THSD4: variants seen among roughly 807,000 people sequenced by gnomAD.
The protein encoded by THSD4 is thrombospondin type-1 domain-containing protein 4.
A neutral mutation model predicts 119.0 loss-of-function variants in THSD4; 69 were observed. The observed-to-expected ratio is 0.58, with a 90% CI of 0.48 to 0.71. The LOEUF (loss-of-function observed/expected upper bound fraction) is 0.71, where lower values mean the gene tolerates loss of function less well. Among genes scored for constraint, THSD4 ranks in the 30% least tolerant of loss-of-function variants. The probability of loss-of-function intolerance (pLI) is 0.00; values close to 1 mark genes in which losing one functional copy is unlikely to be tolerated. For missense variants in THSD4, 1,393 were observed against 1,391.1 expected (o/e 1.00, Z -0.02); for synonymous variants, 524 against 540.4 (o/e 0.97, Z 0.42).
chr15:71,112,539 T>A (rs1423468790), upstream of THSD4, among the ~76,000 whole-genome samples: 1 of 152,182 alleles, frequency 6.6e-6, no homozygotes, highest in Non-Finnish European at 1.5e-5. Flanking sequence ...ATGTGGCTAT[T>A]TTATGAGGTA....
chr15:71,510,924 G>A (rs899503850), intron 7 of THSD4, among the ~76,000 whole-genome samples: 1 of 152,018 alleles, frequency 6.6e-6, no homozygotes, highest in Admixed American at 6.6e-5. Context: ...CACGTTTGGC[G>A]GTGTGGTCGA....
intron 7 of THSD4, among the ~76,000 whole-genome samples, chr15:71,613,799 T>C (rs1488320248): frequency 6.6e-6 from 1 of 152,210 alleles, no homozygotes; most frequent in Non-Finnish European, 1.5e-5. Context: ...AATAGTATCA[T>C]ATTTTGGCCA....
intron 8 of THSD4, among the ~76,000 whole-genome samples, chr15:71,689,369 C>A (rs1208239295): frequency 6.6e-6 from 1 of 152,152 alleles, no homozygotes; most frequent in Non-Finnish European, 1.5e-5. Flanking sequence ...CTGTGTCTGC[C>A]ACTGAGCAGC....
chr15:71,735,079 TACACACACACACACACAGAC>T (rs1471250106), intron 10 of THSD4, among the ~76,000 whole-genome samples: 4 of 150,012 alleles, frequency 2.7e-5, no homozygotes, highest in Non-Finnish European at 1.5e-5. Context: ...GCTTGGGGGT[TACACACACACACACACAGAC>T]ACACACACAC....
intron 8 of THSD4, among the ~76,000 whole-genome samples, chr15:71,701,021 G>C (rs1012754903): frequency 6.6e-6 from 1 of 152,028 alleles, no homozygotes; most frequent in African/African-American, 2.4e-5. Context: ...CATTAAAAAG[G>C]TTTACAAATC....
intron 7 of THSD4, among the ~76,000 whole-genome samples, chr15:71,655,147 T>C (rs1419708047): frequency 6.6e-6 from 1 of 152,240 alleles, no homozygotes; most frequent in Non-Finnish European, 1.5e-5. Context: ...CTGATGGTTA[T>C]CCACTGGTCT....
chr15:71,537,893 G>T lies in THSD4; in HGVS notation c.1153-122637G>T, dbSNP rs190150848. Among the ~76,000 whole-genome samples, 550 of 152,046 alleles carry T rather than the reference G, an allele frequency of 3.6e-3. 2 individuals carry two copies. The highest frequency in any genetic ancestry group is 5.8e-3 in the Non-Finnish European group (391 of 67,986). On this transcript the variant is annotated intron_variant, in intron 7 of 17. Coordinates refer to ENST00000261862, the MANE Select transcript of THSD4 (RefSeq NM_024817.3). The stretch of plus-strand genomic sequence containing the variant: ...TTTTCACACCTCACCCTCCCAAGTA[G>T]CTGGGTTTACAGGTACATGCCACCA...
chr15:71,370,095 G>A (rs190231714), intron 6 of THSD4, among the ~76,000 whole-genome samples: 107 of 152,184 alleles, frequency 7.0e-4, no homozygotes, highest in African/African-American at 2.5e-3. Flanking sequence ...TTCTGTGGTG[G>A]TAGTTTGTAT....
chr15:71,425,621 T>C (rs1432304223), intron 7 of THSD4, among the ~76,000 whole-genome samples: 2 of 152,204 alleles, frequency 1.3e-5, no homozygotes, highest in African/African-American at 2.4e-5. Context: ...GGTTGGTGCT[T>C]TCATGGGAAT....
intron 8 of THSD4, among the ~76,000 whole-genome samples, chr15:71,705,904 C>G (rs2052384030): frequency 6.6e-6 from 1 of 152,080 alleles, no homozygotes. Flanking sequence ...AGTGGGGAGA[C>G]ATTACTTCTA....
At position 71,358,052 on chromosome 15, in the gene THSD4, C is replaced by T. The variant is rs568370367; in HGVS notation, c.1016-53635C>T. On this transcript the variant is annotated intron_variant, in intron 6 of 17. Transcript: ENST00000261862. The stretch of plus-strand genomic sequence containing the variant: ...CTCAGCCTCCTTGGGAAGGGGCGGC[C>T]AGATCCCATTTTCAGGTCTTAGCTG... 5.9e-5 allele frequency among the ~76,000 whole-genome samples: 9 copies of T among 152,296 alleles called. No homozygotes were observed. The East Asian group carries it at 1.6e-3, about 26-fold the overall frequency.
intron 7 of THSD4, among the ~76,000 whole-genome samples, chr15:71,641,644 T>C (rs73445788): frequency 6.8e-4 from 103 of 152,302 alleles, no homozygotes; most frequent in African/African-American, 2.4e-3. Flanking sequence ...GCATCATTTC[T>C]ACTTATGGTG....
chr15:71,612,334 C>T (rs955472808), intron 7 of THSD4, among the ~76,000 whole-genome samples: 1 of 152,164 alleles, frequency 6.6e-6, no homozygotes, highest in African/African-American at 2.4e-5. Flanking sequence ...GGGATTGAGG[C>T]CAGATTTCTT....
intron 8 of THSD4, among the ~76,000 whole-genome samples, chr15:71,663,062 A>T (rs1294340430): frequency 6.6e-6 from 1 of 152,098 alleles, no homozygotes; most frequent in Non-Finnish European, 1.5e-5. Context: ...CAGCCTGCGC[A>T]ACATCAAGTG....
chr15:71,203,114 G>C (rs551382701), intron 3 of THSD4, among the ~76,000 whole-genome samples: 1 of 152,230 alleles, frequency 6.6e-6, no homozygotes, highest in South Asian at 2.1e-4. Flanking sequence ...AGGCAGAGTA[G>C]AAGAGAGAGC....
chr15:71,291,667 C>T (rs2044793066), intron 6 of THSD4, among the ~76,000 whole-genome samples: 1 of 152,108 alleles, frequency 6.6e-6, no homozygotes, highest in African/African-American at 2.4e-5. Flanking sequence ...CCAGAAACAC[C>T]CTCAAAGACA....
intron 8 of THSD4, among the ~76,000 whole-genome samples, chr15:71,668,849 A>G (rs945746226): frequency 1.3e-5 from 2 of 152,356 alleles, no homozygotes; most frequent in East Asian, 3.9e-4. Context: ...TCTTAAGCCT[A>G]TAGCATGAAA....
intron 2 of THSD4, among the ~76,000 whole-genome samples, chr15:71,147,033 A>T (rs1003753797): frequency 2.0e-5 from 3 of 152,032 alleles, no homozygotes; most frequent in Admixed American, 6.6e-5. Context: ...GTTAACATTG[A>T]CCCCTCCTCT....
intron 16 of THSD4, chr15:71,767,596 A>G (rs1262979472): frequency 6.6e-6 from 1 of 152,264 alleles, no homozygotes; most frequent in East Asian, 1.9e-4. Context: ...GTAGATACAG[A>G]TACAAGATAG....
Sources: allele counts gnomAD v4.1 joint callset (sites outside exome capture counted in the v4.1 genomes callset), GRCh38; gene constraint gnomAD v4.1.1; transcripts MANE v1.5; gene names NCBI Gene and HGNC (gene_info 2026-07-23, HGNC 2026-07-21).